Variants in ZNF134 observed in about 807,000 individuals in gnomAD.
The protein encoded by ZNF134 is zinc finger protein 134.
A neutral mutation model predicts 2.5 loss-of-function variants in ZNF134; 5 were observed. The observed-to-expected ratio is 2.03, with a 90% CI of 1.06 to 4.27. The LOEUF is 4.27. Ranked by LOEUF, ZNF134 falls within the 30% of genes most tolerant of loss-of-function variation. The pLI is 0.00. For synonymous variants in ZNF134, 176 were observed against 176.2 expected (o/e 1.00, Z 0.01); for missense variants, 540 against 517.5 (o/e 1.04, Z -0.42).
chr19:57,622,144 T>TA lies in ZNF134; in HGVS notation c.*742dup, dbSNP rs1981242400. The stretch of plus-strand genomic sequence containing the variant: ...GTGTAGACCTGATTTGTCTGGATTT[T>TA]AGAGTTATTTGAGAGCCCATATTTC... On this transcript the variant is annotated 3_prime_UTR_variant, in exon 3 of 3. Transcript: ENST00000396161. 1 of 154,288 alleles carries TA rather than the reference T, an allele frequency of 6.5e-6. No individual in the cohort carries two copies. Among genetic ancestry groups the TA allele is most frequent in the African/African-American group, 2.4e-5 (1 of 41,394 alleles). The allele number at this position is 154,288 out of a possible 1,614,324, so 9.6% of individuals were successfully genotyped here.
chr19:57,624,070 GGA>G lies in ZNF134; in HGVS notation c.*2671_*2672del, dbSNP rs1981309398. On this transcript the variant is annotated 3_prime_UTR_variant, in exon 3 of 3. Transcript: ENST00000396161. Reference sequence around the variant, plus strand: ...GAAAGGAAGGATGACTCAGAGCAGAGGAGAGTCCAGTGGGCAGAGTCCTGAAC... The same window carrying G: ...GAAAGGAAGGATGACTCAGAGCAGAGGAGTCCAGTGGGCAGAGTCCTGAAC... The G allele has an allele frequency of 6.6e-6, 1 of 152,208 alleles. No individual in the cohort carries two copies. The highest frequency in any genetic ancestry group is 2.4e-5 in the African/African-American group (1 of 41,446). 9.4% of individuals were successfully genotyped at this position (152,208 alleles called of 1,614,324 possible). A position where few individuals can be genotyped will look rare whatever the true frequency, so the allele number is the denominator to read the frequency against.
At position 57,620,602 on chromosome 19, in the gene ZNF134, G is replaced by T. The variant is rs1055030641; in HGVS notation, c.483G>T (p.Arg161Ser). The change falls in exon 3 of 3, where the codon AGG (arginine) becomes AGT (serine). Residue 161 changes from arginine (R) to serine (S), a missense_variant. Transcript: ENST00000396161. ...KAIHSKRKTHRSTESGDAFHG... is the reference protein window; with the variant it reads ...KAIHSKRKTHSSTESGDAFHG... The stretch of plus-strand genomic sequence containing the variant: ...TCCACAGTAAGAGGAAGACACACAG[G>T]AGCACTGAGAGTGGGGATGCATTTC... 4 of 1,614,088 alleles carry T rather than the reference G, an allele frequency of 2.5e-6. No individual in the cohort carries two copies. The African/African-American group carries it at 5.3e-5, about 22-fold the overall frequency.
Position 57,614,435 on chromosome 19 carries a change from G to T in ZNF134, c.-126G>T, listed in dbSNP as rs1288860617. ...GCGGTGCCAGGGTCCCGCGACCTGG[G>T]ACCCCCTCGCGGCTCCGGGTGGTCT... is the stretch of plus-strand genomic sequence containing the variant. On this transcript the variant is annotated 5_prime_UTR_variant, in exon 1 of 3. Transcript: ENST00000396161. The T allele has an allele frequency of 1.1e-5, 5 of 445,080 alleles. No homozygotes were observed. Among genetic ancestry groups the T allele is most frequent in the African/African-American group, 2.0e-5 (1 of 49,354 alleles). The allele number at this position is 445,080 out of a possible 1,614,324, so 27.6% of individuals were successfully genotyped here.
At chr19:57,616,906 C>T (rs550482276) in intron 1 of ZNF134, among the ~76,000 whole-genome samples, 5 of 152,216 alleles carry the variant, frequency 3.3e-5, no homozygotes, top group South Asian at 2.1e-4. Flanking sequence ...TTCTGCCTAC[C>T]GTTCTTGGAG....
rs1278522197 is a variant in ZNF134 at position 57,620,364 on chromosome 19, C to T, written c.245C>T (p.Ala82Val). 1 of 1,614,168 alleles carries T rather than the reference C, an allele frequency of 6.2e-7. No individual in the cohort carries two copies. Among genetic ancestry groups the T allele is most frequent in the South Asian group, 1.1e-5 (1 of 91,084 alleles). ...GGACTGAAACTTCACACATGTGGGGCATGTGGGAGACAATTCTGGTTCAGT... is the reference window on the plus strand; with the variant it reads ...GGACTGAAACTTCACACATGTGGGGTATGTGGGAGACAATTCTGGTTCAGT... ...HHGLKLHTCG[A>V]CGRQFWFSAN... The change falls in exon 3 of 3, where the codon GCA becomes GTA. Residue 82 changes from alanine (A) to valine (V), a missense_variant. Ala to Val is a moderately conservative substitution (Grantham distance 64). Coordinates refer to ENST00000396161, the MANE Select transcript of ZNF134 (RefSeq NM_003435.5).
At position 57,620,628 on chromosome 19, in the gene ZNF134, A is replaced by C. The variant is rs770080848; in HGVS notation, c.509A>C (p.His170Pro). 1 of 1,614,244 alleles carries C rather than the reference A, an allele frequency of 6.2e-7. No individual in the cohort carries two copies. The highest frequency in any genetic ancestry group is 1.1e-5 in the South Asian group (1 of 91,090). ...AGCACTGAGAGTGGGGATGCATTTC[A>C]TGGTGAACAAATGCATTACAAGTGC... ...HRSTESGDAF[H>P]GEQMHYKCSE... The change falls in exon 3 of 3, where the codon CAT (histidine) becomes CCT (proline). Residue 170 changes from histidine to proline, a missense_variant. His to Pro is a moderately conservative substitution (Grantham distance 77). Transcript: ENST00000396161.
rs770430334 is a variant in ZNF134 at position 57,620,263 on chromosome 19, G to A, written c.144G>A (p.Thr48=). ...NTSKAGLPAQ[T]ALPCDICGPI... Reference sequence around the variant, plus strand: ...CCAAGGCAGGTTTGCCCGCACAGACGGCTCTCCCTTGTGACATATGTGGCC... The same window carrying A: ...CCAAGGCAGGTTTGCCCGCACAGACAGCTCTCCCTTGTGACATATGTGGCC... Residue 48 remains threonine (T), a synonymous_variant, in exon 3 of 3, where the codon ACG becomes ACA. Coordinates refer to ENST00000396161, the MANE Select transcript of ZNF134 (RefSeq NM_003435.5). The A allele has an allele frequency of 6.8e-6, 11 of 1,613,996 alleles. No individual in the cohort carries two copies. Among genetic ancestry groups the A allele is most frequent in the Admixed American group, 3.3e-5 (2 of 60,000 alleles).
chr19:57,617,014 A>G (rs2122124398), intron 1 of ZNF134, among the ~76,000 whole-genome samples: 1 of 152,348 alleles, frequency 6.6e-6, no homozygotes, highest in Non-Finnish European at 1.5e-5. Flanking sequence ...AATGTGGAAC[A>G]TTATCTCAGG....
At position 57,620,673 on chromosome 19, in the gene ZNF134, T is replaced by C. The variant is rs1217955822; in HGVS notation, c.554T>C (p.Phe185Ser). The C allele has an allele frequency of 6.2e-7, 1 of 1,614,002 alleles. No individual in the cohort carries two copies. The highest frequency in any genetic ancestry group is 2.2e-5 in the East Asian group (1 of 44,884). Residue 185 changes from phenylalanine (F) to serine (S), a missense_variant, in exon 3 of 3, where the codon TTC (phenylalanine) becomes TCC (serine). Phe to Ser is a radical substitution (Grantham distance 155). Transcript: ENST00000396161. The stretch of plus-strand genomic sequence containing the variant: ...AAGTGCAGTGAATGTGGGAAAGCTT[T>C]CAGCCGCAAAGACACACTTGTCCAG... The part of the protein sequence containing the change: ...HYKCSECGKA[F>S]SRKDTLVQHQ...
At chr19:57,619,300 T>A in intron 1 of ZNF134, 112 bp from the exon 2 acceptor site, 1 of 850,296 alleles carries the variant, frequency 1.2e-6, no homozygotes, top group Admixed American at 2.1e-5. Flanking sequence ...GCAGGACAAT[T>A]TTCTGAGGTT....
chr19:57,619,676 G>A (rs1981142881), intron 2 of ZNF134, 168 bp downstream of exon 2: 1 of 772,274 alleles, frequency 1.3e-6, no homozygotes, highest in Non-Finnish European at 2.0e-6. Flanking sequence ...TCTGACCCAG[G>A]GCTGTCTTCT....
chr19:57,620,385 T>C lies in ZNF134; in HGVS notation c.266T>C (p.Phe89Ser). The change falls in exon 3 of 3, where the codon TTC becomes TCC. Residue 89 changes from phenylalanine (F) to serine (S), a missense_variant. Transcript: ENST00000396161. ...TCGACGRQFW[F>S]SANLHQYQKC... ...GGGGCATGTGGGAGACAATTCTGGT[T>C]CAGTGCAAACCTTCATCAGTACCAG... 1 of 1,614,192 alleles carries C rather than the reference T, an allele frequency of 6.2e-7. No individual in the cohort carries two copies. Among genetic ancestry groups the C allele is most frequent in the Non-Finnish European group, 8.5e-7 (1 of 1,180,034 alleles).
In ZNF134 at chr19:57,622,750, T is replaced by C. The variant is rs1325455158; in HGVS notation, c.*1347T>C. 1 of 152,134 alleles carries C rather than the reference T, an allele frequency of 6.6e-6. No individual in the cohort carries two copies. The allele number at this position is 152,134 out of a possible 1,614,324, so 9.4% of individuals were successfully genotyped here. Reference sequence around the variant, plus strand: ...ATTGTTTGCCAGTTTTTCTTACTACTGAGGAAGAGATTGTCTTCCCAAGAT... The same window carrying C: ...ATTGTTTGCCAGTTTTTCTTACTACCGAGGAAGAGATTGTCTTCCCAAGAT... On this transcript the variant is annotated 3_prime_UTR_variant, in exon 3 of 3. Transcript: ENST00000396161.
rs777471656 is a variant in ZNF134 at position 57,620,260 on chromosome 19, G to C, written c.141G>C (p.Gln47His). The C allele has an allele frequency of 3.1e-6, 5 of 1,614,212 alleles. No individual in the cohort carries two copies. In the Admixed American group the frequency reaches 6.7e-5, roughly 22 times the overall value. ...VNTSKAGLPA[Q>H]TALPCDICGP... ...CTTCCAAGGCAGGTTTGCCCGCACA[G>C]ACGGCTCTCCCTTGTGACATATGTG... The change falls in exon 3 of 3, where the codon CAG becomes CAC. Residue 47 changes from glutamine to histidine, a missense_variant. Coordinates refer to ENST00000396161, the MANE Select transcript of ZNF134 (RefSeq NM_003435.5).
Position 57,620,218 on chromosome 19 carries a change from A to ATG in ZNF134, c.99_100insTG (p.Val34TrpfsTer27), listed in dbSNP as rs752576155. On this transcript the variant is annotated frameshift_variant, in exon 3 of 3. Coordinates refer to ENST00000396161, the MANE Select transcript of ZNF134 (RefSeq NM_003435.5). LOFTEE classifies it low-confidence loss of function (END_TRUNC). Reference sequence around the variant, plus strand: ...CTTCTGAACAGAGCATTTCTATAGCAGTGTCACATGTTAATACTTCCAAGG... The same window carrying ATG: ...CTTCTGAACAGAGCATTTCTATAGCATGGTGTCACATGTTAATACTTCCAAGG... 1.2e-6 allele frequency: 2 copies of ATG among 1,614,232 alleles called. No individual in the cohort carries two copies. The highest frequency in any genetic ancestry group is 1.7e-6 in the Non-Finnish European group (2 of 1,180,044).
intron 1 of ZNF134, among the ~76,000 whole-genome samples, chr19:57,617,957 A>G (rs1981096042): frequency 6.6e-6 from 1 of 152,162 alleles, no homozygotes; most frequent in Non-Finnish European, 1.5e-5. Flanking sequence ...TCAGCTCTTT[A>G]TGTGCTCCTC....
chr19:57,619,040 CCT>C (rs1568629885), intron 1 of ZNF134, among the ~76,000 whole-genome samples: 2 of 152,056 alleles, frequency 1.3e-5, no homozygotes, highest in Admixed American at 1.3e-4. Flanking sequence ...TGCATTGGCC[CCT>C]CTCTTCCCTG....
At position 57,621,463 on chromosome 19, in the gene ZNF134, T is replaced by C. The variant is rs1433103266; in HGVS notation, c.*60T>C. ...ATGTTGAATTTCATGTATCTGAACA[T>C]TGACACAAAGGAGATACCTTATGGT... On this transcript the variant is annotated 3_prime_UTR_variant, in exon 3 of 3. Transcript: ENST00000396161. 1.2e-6 allele frequency: 2 copies of C among 1,601,664 alleles called. No homozygotes were observed. The highest frequency in any genetic ancestry group is 1.1e-5 in the South Asian group (1 of 91,036).
chr19:57,616,414 AAAAC>A (rs1981053193), intron 1 of ZNF134, among the ~76,000 whole-genome samples: 1 of 152,266 alleles, frequency 6.6e-6, no homozygotes, highest in Admixed American at 6.5e-5. Context: ...TAAAGCAGGC[AAAAC>A]AAACCTAATT....
Sources: gnomAD v4.1 joint callset for allele counts (sites outside exome capture counted in the v4.1 genomes callset) on GRCh38, gnomAD v4.1.1 for gene constraint, MANE v1.5 for transcripts, NCBI Gene and HGNC (gene_info 2026-07-23, HGNC 2026-07-21) for gene names.